The following MAPK10 variants were observed in gnomAD, a reference collection of about 807,000 sequenced individuals.
MAPK10 encodes JNK3 alpha protein kinase.
In MAPK10, 25 loss-of-function variants were observed where a neutral mutation model predicts 59.3. The ratio of observed to expected loss-of-function variants is 0.42; its 90% CI spans 0.31 to 0.59. MAPK10 has a LOEUF of 0.59. Among genes scored for constraint, MAPK10 ranks in the 20% least tolerant of loss-of-function variants. The pLI, the probability that MAPK10 is intolerant of heterozygous loss-of-function variation, is 0.15. For synonymous variants in MAPK10, 190 were observed against 200.5 expected (o/e 0.95, Z 0.44); for missense variants, 351 against 568.9 (o/e 0.62, Z 3.90).
chr4:86,257,371 T>G (rs1228205385), intron 2 of MAPK10, among the ~76,000 whole-genome samples: 1 of 152,200 alleles, frequency 6.6e-6, no homozygotes, highest in Non-Finnish European at 1.5e-5. Context: ...GAATACTGAA[T>G]CCATGTACCA....
At chr4:86,143,502 A>G (rs1280136211) in intron 4 of MAPK10, among the ~76,000 whole-genome samples, 1 of 152,222 alleles carries the variant, frequency 6.6e-6, no homozygotes, top group Non-Finnish European at 1.5e-5. Flanking sequence ...AGGAACTCAG[A>G]CTTCAGTGGA....
In MAPK10 at chr4:86,297,802, A is replaced by G. The variant is rs568104683; in HGVS notation, c.-7+56728T>C. Among the ~76,000 whole-genome samples the G allele has an allele frequency of 1.0e-3, 157 of 152,312 alleles. 1 individual carries two copies. Among genetic ancestry groups the G allele is most frequent in the Middle Eastern group, 3.4e-3 (1 of 294 alleles). ...CAAGAGTGATCGATGTCAAACATAA[A>G]TCTGGTCACATCATTTCCCTCTGGT... On this transcript the variant is annotated intron_variant, in intron 2 of 13. Transcript: ENST00000641462.
At chr4:86,177,806 A>G (rs1472003306) in intron 3 of MAPK10, among the ~76,000 whole-genome samples, 1 of 152,076 alleles carries the variant, frequency 6.6e-6, no homozygotes, top group African/African-American at 2.4e-5. Flanking sequence ...CCAAAAAGTA[A>G]TAGTAAATCA....
At chr4:86,047,137 C>G (rs1044307173) in intron 11 of MAPK10, among the ~76,000 whole-genome samples, 2 of 152,004 alleles carry the variant, frequency 1.3e-5, no homozygotes, top group African/African-American at 4.8e-5. Flanking sequence ...CAGCAAGGAT[C>G]CCCTCTGCTA....
chr4:86,397,444 T>C (rs1202242301), intron 1 of MAPK10, among the ~76,000 whole-genome samples: 1 of 152,180 alleles, frequency 6.6e-6, no homozygotes, highest in African/African-American at 2.4e-5. Context: ...ATATTTCATG[T>C]AGTATTGCCA....
intron 2 of MAPK10, among the ~76,000 whole-genome samples, chr4:86,238,846 C>A (rs2092491945): frequency 6.6e-6 from 1 of 152,182 alleles, no homozygotes; most frequent in Non-Finnish European, 1.5e-5. Flanking sequence ...ATTTACTTCT[C>A]TTGCCAGATT....
At position 86,045,434 on chromosome 4, in the gene MAPK10, T is replaced by G. The variant is rs2042319295; in HGVS notation, c.1111-14003A>C. 2.0e-5 allele frequency among the ~76,000 whole-genome samples: 3 copies of G among 152,238 alleles called. No individual in the cohort carries two copies. The South Asian group carries it at 6.2e-4, about 32-fold the overall frequency. Reference sequence around the variant, plus strand: ...ACCTCCCTTAAATTCCAAATTTAATTATTTACAATTCATGTCAATTATTAG... The same window carrying G: ...ACCTCCCTTAAATTCCAAATTTAATGATTTACAATTCATGTCAATTATTAG... On this transcript the variant is annotated intron_variant, in intron 11 of 13. Coordinates refer to ENST00000641462, the MANE Select transcript of MAPK10 (RefSeq NM_138982.4).
At position 86,270,940 on chromosome 4, in the gene MAPK10, T is replaced by G. The variant is rs142978276; in HGVS notation, c.-6-76533A>C. Among the ~76,000 whole-genome samples, 883 of 152,208 alleles carry G rather than the reference T, an allele frequency of 5.8e-3. 8 individuals carry two copies. Among genetic ancestry groups the G allele is most frequent in the African/African-American group, 0.02 (831 of 41,568 alleles). ...TTCTTGTTGAAATTTGGGGTTATTT[T>G]CAGTTCGGAAAAATTATAAATAAAG... On this transcript the variant is annotated intron_variant, in intron 2 of 13. Transcript: ENST00000641462.
chr4:86,408,547 T>C (rs1239264825), intron 1 of MAPK10, among the ~76,000 whole-genome samples: 1 of 152,168 alleles, frequency 6.6e-6, no homozygotes, highest in East Asian at 1.9e-4. Context: ...TTTCTCCACA[T>C]CCTCTCCAGC....
chr4:86,264,160 G>C (rs1372631429), intron 2 of MAPK10, among the ~76,000 whole-genome samples: 2 of 152,074 alleles, frequency 1.3e-5, no homozygotes, highest in Non-Finnish European at 2.9e-5. Context: ...GAAATTTGAA[G>C]TTAACAAGAA....
intron 2 of MAPK10, among the ~76,000 whole-genome samples, chr4:86,230,124 T>C (rs2091325675): frequency 6.6e-6 from 1 of 152,174 alleles, no homozygotes; most frequent in Non-Finnish European, 1.5e-5. Flanking sequence ...CTGAAAATAA[T>C]CAATCATGCC....
At chr4:86,313,457 T>C (rs1354176552) in intron 2 of MAPK10, among the ~76,000 whole-genome samples, 1 of 152,026 alleles carries the variant, frequency 6.6e-6, no homozygotes, top group Non-Finnish European at 1.5e-5. Context: ...AGACCAGACA[T>C]GGAAAGATGT....
At chr4:86,100,366 A>G (rs1751368115) in intron 8 of MAPK10, 1 of 152,124 alleles carries the variant, frequency 6.6e-6, no homozygotes, top group African/African-American at 2.4e-5. Context: ...CATTTTTAAG[A>G]TTCCTTCCAT....
chr4:86,502,925 A>G (rs1384412915), intron 1 of MAPK10, among the ~76,000 whole-genome samples: 1 of 152,072 alleles, frequency 6.6e-6, no homozygotes, highest in Non-Finnish European at 1.5e-5. Context: ...TGGATCATCA[A>G]TATAGACTAC....
In MAPK10 at chr4:86,212,756, A is replaced by T. The variant is rs114271835; in HGVS notation, c.-6-18349T>A. 9.5e-4 allele frequency among the ~76,000 whole-genome samples: 144 copies of T among 152,322 alleles called. 1 individual carries two copies. The highest frequency in any genetic ancestry group is 3.2e-3 in the African/African-American group (135 of 41,586). The stretch of plus-strand genomic sequence containing the variant: ...CAAAAATTCACAAGACTGGAAGGAG[A>T]AATTGACAGATGTACGACAGTAGTT... On this transcript the variant is annotated intron_variant, in intron 2 of 13. Transcript: ENST00000641462.
chr4:86,308,706 G>A (rs1172160954), intron 2 of MAPK10: 1 of 152,242 alleles, frequency 6.6e-6, no homozygotes, highest in African/African-American at 2.4e-5. Flanking sequence ...TAGACTGGGG[G>A]AATGATGCAT....
intron 1 of MAPK10, among the ~76,000 whole-genome samples, chr4:86,419,282 T>C (rs1564835122): frequency 6.6e-6 from 1 of 152,238 alleles, no homozygotes; most frequent in African/African-American, 2.4e-5. Context: ...GTATTGGTTT[T>C]GCTTTCCTTC....
chr4:86,506,174 G>T (rs1454376970), intron 1 of MAPK10, among the ~76,000 whole-genome samples: 1 of 152,088 alleles, frequency 6.6e-6, no homozygotes, highest in Non-Finnish European at 1.5e-5. Context: ...TCGGTCATAT[G>T]AAAATCCAGG....
chr4:86,420,939 G>A (rs1344453962), intron 1 of MAPK10, among the ~76,000 whole-genome samples: 1 of 151,970 alleles, frequency 6.6e-6, no homozygotes, highest in Non-Finnish European at 1.5e-5. Flanking sequence ...AAAATTAGCT[G>A]GGCATGGTGG....
Sources: gnomAD v4.1 joint callset for allele counts (sites outside exome capture counted in the v4.1 genomes callset) on GRCh38, gnomAD v4.1.1 for gene constraint, MANE v1.5 for transcripts, NCBI Gene and HGNC (gene_info 2026-07-23, HGNC 2026-07-21) for gene names.